Variants in CPNE5 observed in about 807,000 individuals in gnomAD.
CPNE5 encodes the protein copine 5.
CPNE5 carries 42 observed loss-of-function variants against 81.1 expected under a neutral mutation model. That is an observed-to-expected ratio of 0.52 (90% CI 0.40 to 0.67). CPNE5 has a LOEUF of 0.67. Ranked by LOEUF, CPNE5 falls within the 30% of genes least tolerant of loss-of-function variation. The pLI is 0.00. For missense variants in CPNE5, 612 were observed against 815.5 expected, an observed-to-expected ratio of 0.75 and a Z score of 3.04; for synonymous variants, 313 against 321.5, an observed-to-expected ratio of 0.97 and a Z score of 0.28.
At chr6:36,832,570 G>A (rs1773056706) in intron 1 of CPNE5, among the ~76,000 whole-genome samples, 1 of 152,176 alleles carries the variant, frequency 6.6e-6, no homozygotes. Context: ...TAACAACGAG[G>A]CCTACTGCTA....
At chr6:36,776,904 T>G (rs1767555666) in intron 9 of CPNE5, among the ~76,000 whole-genome samples, 1 of 152,160 alleles carries the variant, frequency 6.6e-6, no homozygotes, top group Admixed American at 6.5e-5. Flanking sequence ...AAACCCTCAG[T>G]GACCACCCTG....
chr6:36,784,500 A>G (rs1768342719), intron 8 of CPNE5, among the ~76,000 whole-genome samples: 1 of 152,216 alleles, frequency 6.6e-6, no homozygotes. Flanking sequence ...CCCTTGATAT[A>G]TGTGTGAACC....
chr6:36,793,647 C>T (rs1051740545), intron 7 of CPNE5, among the ~76,000 whole-genome samples: 1 of 152,146 alleles, frequency 6.6e-6, no homozygotes, highest in Non-Finnish European at 1.5e-5. Flanking sequence ...CTCTGTCTGA[C>T]TCCTGCTGCC....
At chr6:36,821,969 T>C (rs1686109462) in intron 3 of CPNE5, 145 bp downstream of exon 3, 1 of 659,968 alleles carries the variant, frequency 1.5e-6, no homozygotes, top group African/African-American at 1.8e-5. Context: ...GGGATGGGAC[T>C]TCATGCTTTG....
At chr6:36,761,751 G>A (rs1317640425) in intron 12 of CPNE5, among the ~76,000 whole-genome samples, 1 of 152,198 alleles carries the variant, frequency 6.6e-6, no homozygotes, top group Non-Finnish European at 1.5e-5. Flanking sequence ...ACTTAGCCAA[G>A]GTCACGTAGC....
chr6:36,748,720 T>C (rs1764472818), intron 14 of CPNE5, among the ~76,000 whole-genome samples: 2 of 152,142 alleles, frequency 1.3e-5, no homozygotes, highest in South Asian at 4.1e-4. Flanking sequence ...ACCCATGAAG[T>C]TGTCTTACCA....
At chr6:36,764,740 C>T (rs7744140) in intron 11 of CPNE5, among the ~76,000 whole-genome samples, 12,505 of 152,136 alleles carry the variant, frequency 0.082, 807 homozygotes, top group East Asian at 0.17. Flanking sequence ...CACTGTCTCA[C>T]GGCCCATGAG....
chr6:36,826,580 T>G (rs1772518761), intron 1 of CPNE5, among the ~76,000 whole-genome samples: 2 of 152,166 alleles, frequency 1.3e-5, no homozygotes, highest in Non-Finnish European at 2.9e-5. Context: ...TGCAAAATCA[T>G]GGGTGTATCT....
At chr6:36,765,449 T>C in intron 10 of CPNE5, 73 bp from the exon 11 acceptor site, 1 of 1,582,148 alleles carries the variant, frequency 6.3e-7, no homozygotes, top group Non-Finnish European at 8.7e-7. Flanking sequence ...GCCCTCTTCA[T>C]GTTCCCGGAC....
rs747938502 is a variant in CPNE5, at chr6:36,798,494, T to A, written c.288A>T (p.Leu96=). 3.7e-6 allele frequency: 6 copies of A among 1,614,078 alleles called. No homozygotes were observed. The highest frequency in any genetic ancestry group is 5.1e-6 in the Non-Finnish European group (6 of 1,179,934). ...FEEKQNLRFD[L]YDVDSKSPDL... ...CAGGACTCTTAGAGTCAACGTCGTA[T>A]CTGCAGGGAACACAGAGAAACGATG... The change falls in exon 5 of 21, where the codon CTA becomes CTT. Residue 96 remains leucine (L), a splice_region_variant and synonymous_variant. Coordinates refer to ENST00000244751, the MANE Select transcript of CPNE5 (RefSeq NM_020939.2).
intron 18 of CPNE5, 145 bp downstream of exon 18, chr6:36,744,903 G>T: frequency 1.2e-5 from 8 of 651,314 alleles, no homozygotes; most frequent in South Asian, 5.3e-5. Context: ...GTGGGGCCCA[G>T]TGAGGCAGGG....
At chr6:36,782,269 C>A (rs1270967585) in intron 8 of CPNE5, among the ~76,000 whole-genome samples, 3 of 152,120 alleles carry the variant, frequency 2.0e-5, no homozygotes, top group Admixed American at 1.3e-4. Context: ...CCACCCAGGA[C>A]CTGTTCAGCC....
At chr6:36,749,308 T>C (rs924465624) in intron 14 of CPNE5, among the ~76,000 whole-genome samples, 1 of 152,104 alleles carries the variant, frequency 6.6e-6, no homozygotes, top group African/African-American at 2.4e-5. Flanking sequence ...GGGGAATGAA[T>C]AGATGAAAAG....
At chr6:36,833,513 A>G (rs1479560593) in intron 1 of CPNE5, among the ~76,000 whole-genome samples, 1 of 152,268 alleles carries the variant, frequency 6.6e-6, no homozygotes, top group African/African-American at 2.4e-5. Context: ...AGACTCTGTC[A>G]TAGCAGATTA....
chr6:36,766,775 G>A lies in CPNE5; in HGVS notation c.738-1399C>T, dbSNP rs4711463. 3.3e-5 allele frequency among the ~76,000 whole-genome samples: 5 copies of A among 152,170 alleles called. No individual in the cohort carries two copies. The highest frequency in any genetic ancestry group is 2.1e-4 in the South Asian group (1 of 4,830). On this transcript the variant is annotated intron_variant, in intron 10 of 20. Coordinates refer to ENST00000244751, the MANE Select transcript of CPNE5 (RefSeq NM_020939.2). The surrounding 1 kb of genome is among the most constrained non-coding windows in gnomAD (Gnocchi z 4.2). The stretch of plus-strand genomic sequence containing the variant: ...CTGCAAGAACAAGCTAGTAAGGCCC[G>A]CCTGCTGCATGGGAGGGTCTCTACA...
intron 10 of CPNE5, among the ~76,000 whole-genome samples, chr6:36,771,230 C>T (rs1207172774): frequency 1.3e-5 from 2 of 152,230 alleles, no homozygotes; most frequent in African/African-American, 4.8e-5. Flanking sequence ...AAGCCTCCCC[C>T]AGATGCACCC....
intron 1 of CPNE5, among the ~76,000 whole-genome samples, chr6:36,826,825 A>G (rs1401099271): frequency 6.6e-6 from 1 of 152,218 alleles, no homozygotes; most frequent in Non-Finnish European, 1.5e-5. Context: ...AGTTAAGTGC[A>G]TGGGCTCTGC....
chr6:36,807,868 G>A (rs922412149), intron 3 of CPNE5, among the ~76,000 whole-genome samples: 1 of 152,156 alleles, frequency 6.6e-6, no homozygotes, highest in Admixed American at 6.5e-5. Flanking sequence ...AAAGGCCGCA[G>A]AAAACCTAAG....
chr6:36,782,570 C>T (rs932479022), intron 8 of CPNE5, among the ~76,000 whole-genome samples: 3 of 151,828 alleles, frequency 2.0e-5, no homozygotes, highest in Non-Finnish European at 2.9e-5. Flanking sequence ...TCTGGGGGGC[C>T]GAGGTGGTGG....
Sources: allele counts gnomAD v4.1 joint callset (sites outside exome capture counted in the v4.1 genomes callset), GRCh38; gene constraint gnomAD v4.1.1; non-coding constraint Gnocchi (gnomAD v3.1); transcripts MANE v1.5; gene names NCBI Gene and HGNC (gene_info 2026-07-23, HGNC 2026-07-21).